Variants in LSS observed in about 807,000 individuals in gnomAD.
The protein encoded by LSS is 2,3-epoxysqualene-lanosterol cyclase.
Under a neutral mutation model 110.3 loss-of-function variants are expected in LSS, and 90 were observed. The observed-to-expected ratio is 0.82, with a 90% confidence interval of 0.69 to 0.97. The LOEUF (loss-of-function observed/expected upper bound fraction) is 0.97, where lower values mean the gene tolerates loss of function less well. Ranked by LOEUF, LSS falls within the 50% of genes least tolerant of loss-of-function variation. LSS has a pLI of 0.00. For missense variants in LSS, 927 were observed against 990.0 expected (o/e 0.94, Z 0.85); for synonymous variants, 433 against 400.0 (o/e 1.08, Z -0.98).
chr21:46,209,222 G>T lies in LSS; in HGVS notation c.1266+332C>A, dbSNP rs1430317496. ...TGGGCAGAAGGTGCTTCAGAGACAT[G>T]GAGGTGCCGTGTAGGCTGTGCAGCT... On this transcript the variant is annotated intron_variant, in intron 13 of 21. Coordinates refer to ENST00000397728, the MANE Select transcript of LSS (RefSeq NM_002340.6). This position sits in a 1 kb window ranked among gnomAD's most constrained non-coding sequence, Gnocchi z 4.4. Among the ~76,000 whole-genome samples the T allele has an allele frequency of 6.6e-6, 1 of 152,154 alleles. No individual in the cohort carries two copies. Among genetic ancestry groups the T allele is most frequent in the Non-Finnish European group, 1.5e-5 (1 of 68,010 alleles).
intron 4 of LSS, 122 bp downstream of exon 4, chr21:46,222,508 C>T (rs554520013): frequency 1.7e-5 from 14 of 817,018 alleles, no homozygotes; most frequent in Admixed American, 1.4e-4. Context: ...CCCTCACCCA[C>T]CCCACACCCA....
chr21:46,213,968 C>T, intron 9 of LSS, 133 bp from the exon 10 acceptor site: 2 of 672,474 alleles, frequency 3.0e-6, no homozygotes, highest in Admixed American at 2.2e-5. Flanking sequence ...AGGACAGGGG[C>T]CTTCTGCTCT....
chr21:46,195,439 G>C (rs2079896026), intron 19 of LSS, among the ~76,000 whole-genome samples: 2 of 152,238 alleles, frequency 1.3e-5, no homozygotes, highest in South Asian at 4.1e-4. Context: ...GCCCGGGGTG[G>C]TGGCGTGCAC....
In LSS at chr21:46,228,581, C is replaced by T; in HGVS notation, c.33G>A (p.Gly11=). ...TGGCGGGCTCGGTCTTGTAGGGGCC[C>T]CCTCGGCGCCGCAGACACCTGAGGA... The part of the protein sequence containing the change: MTEGTCLRRR[G]GPYKTEPATD... Residue 11 remains glycine, a synonymous_variant, in exon 2 of 22, where the codon GGG becomes GGA. Coordinates refer to ENST00000397728, the MANE Select transcript of LSS (RefSeq NM_002340.6). 1 of 1,591,986 alleles carries T rather than the reference C, an allele frequency of 6.3e-7. No homozygotes were observed. The highest frequency in any genetic ancestry group is 8.5e-7 in the Non-Finnish European group (1 of 1,175,954).
rs2079826559 is a variant in LSS, at chr21:46,192,208, GC to G, written c.1989-250del. The stretch of plus-strand genomic sequence containing the variant: ...TGGGGACACAGGCCTCCTCAGGCCT[GC>G]CCTGGTGTTCCCCCCTGAAGAGGAC... On this transcript the variant is annotated intron_variant, in intron 20 of 21. Coordinates refer to ENST00000397728, the MANE Select transcript of LSS (RefSeq NM_002340.6). The G allele has an allele frequency of 8.6e-5, 50 of 582,458 alleles. 1 individual carries two copies. The South Asian group carries it at 9.5e-4, about 11-fold the overall frequency. 36.1% of individuals were successfully genotyped at this position (582,458 alleles called of 1,614,324 possible). A position where few individuals can be genotyped will look rare whatever the true frequency, so the allele number is the denominator to read the frequency against.
intron 4 of LSS, 128 bp downstream of exon 4, chr21:46,222,502 C>T: frequency 1.3e-6 from 1 of 764,790 alleles, no homozygotes; most frequent in Non-Finnish European, 2.1e-6. Context: ...GTCTCTCCCT[C>T]ACCCACCCCA....
At chr21:46,220,349 G>A (rs955196400) in intron 5 of LSS, 2 of 152,318 alleles carry the variant, frequency 1.3e-5, no homozygotes, top group African/African-American at 2.4e-5. Context: ...ATAGTGACAA[G>A]CTCACCAAGA....
intron 3 of LSS, 191 bp downstream of exon 3, chr21:46,227,360 AC>A (rs2080353100): frequency 3.1e-6 from 2 of 637,138 alleles, no homozygotes; most frequent in Non-Finnish European, 5.3e-6. Flanking sequence ...CTGTCACCCT[AC>A]ACTGGCAAGG....
rs2079900168 is a variant in LSS at position 46,195,693 on chromosome 21, C to T, written c.1800G>A (p.Gly600=). 1.2e-6 allele frequency: 2 copies of T among 1,613,634 alleles called. No individual in the cohort carries two copies. Among genetic ancestry groups the T allele is most frequent in the African/African-American group, 2.7e-5 (2 of 74,896 alleles). Residue 600 remains glycine (G), a synonymous_variant, in exon 19 of 22, where the codon GGG becomes GGA. Transcript: ENST00000397728. The part of the protein sequence containing the change: ...WFGLEAFACM[G]QTYRDGTACA... ...TCACTCACCCATCTCGGTAGGTCTG[C>T]CCCATACAGGCGAAGGCCTCCAGGC...
intron 17 of LSS, among the ~76,000 whole-genome samples, chr21:46,203,145 G>C (rs2080001064): frequency 1.3e-5 from 2 of 152,240 alleles, no homozygotes; most frequent in African/African-American, 4.8e-5. Context: ...AAGGGGCAGG[G>C]ATGGGGGCTG....
chr21:46,226,084 CA>C (rs2080336393), intron 3 of LSS, among the ~76,000 whole-genome samples: 1 of 150,090 alleles, frequency 6.7e-6, no homozygotes, highest in Non-Finnish European at 1.5e-5. Flanking sequence ...TGCAACGAGC[CA>C]AAATTGTGCC....
intron 5 of LSS, among the ~76,000 whole-genome samples, chr21:46,219,803 G>C (rs1480436787): frequency 6.6e-6 from 1 of 152,198 alleles, no homozygotes; most frequent in Non-Finnish European, 1.5e-5. Flanking sequence ...CTGGGAGTGT[G>C]TGTGTCCAGC....
Position 46,228,434 on chromosome 21 carries a change from G to C in LSS, c.180C>G (p.Thr60=), listed in dbSNP as rs1176751102. Residue 60 remains threonine (T), a splice_region_variant and synonymous_variant, in exon 2 of 22, where the codon ACC becomes ACG. Transcript: ENST00000397728. The part of the protein sequence containing the change: ...GLEAYALGLD[T]KNYFKDLPKA... The stretch of plus-strand genomic sequence containing the variant: ...CTGACGCTCCGCGGAAGCAACTTAC[G>C]GTGTCCAGCCCCAGGGCGTAGGCTT... 3 of 1,602,166 alleles carry C rather than the reference G, an allele frequency of 1.9e-6. No homozygotes were observed. Among genetic ancestry groups the C allele is most frequent in the Admixed American group, 1.7e-5 (1 of 59,978 alleles).
chr21:46,213,112 C>T, intron 10 of LSS, 60 bp from the exon 11 acceptor site: 3 of 1,541,568 alleles, frequency 1.9e-6, no homozygotes, highest in Non-Finnish European at 2.7e-6. Context: ...CCAGCTGCTA[C>T]CCAGACCCTG....
rs769202224 is a variant in LSS at position 46,191,133 on chromosome 21, G to A, written c.2170C>T (p.Pro724Ser). The change falls in exon 22 of 22, where the codon CCT becomes TCT. Residue 724 changes from proline (P) to serine (S), a missense_variant. Coordinates refer to ENST00000397728, the MANE Select transcript of LSS (RefSeq NM_002340.6). ...GGGTGGCCAGCAAGGGCTCTCTCAG[G>A]GTACAGCTGGGAGAAGCGGCCGAGG... is the stretch of plus-strand genomic sequence containing the variant. Reference protein sequence around the residue: ...WALGRFSQLYPERALAGHP With the variant: ...WALGRFSQLYSERALAGHP 3 of 1,614,164 alleles carry A rather than the reference G, an allele frequency of 1.9e-6. No homozygotes were observed. The highest frequency in any genetic ancestry group is 1.1e-5 in the South Asian group (1 of 91,088).
rs1218415142 is a variant in LSS at position 46,228,751 on chromosome 21, C to T, written c.-6G>A. On this transcript the variant is annotated 5_prime_UTR_variant, in exon 1 of 22. Transcript: ENST00000397728. ...ACTCACGTGCCCTCCGTCATTGCTG[C>T]TGCAGTGCTCTACGCCGCCCACTGC... The T allele has an allele frequency of 4.4e-6, 7 of 1,596,068 alleles. No individual in the cohort carries two copies. Among genetic ancestry groups the T allele is most frequent in the East Asian group, 2.3e-5 (1 of 44,348 alleles).
chr21:46,192,216 G>A, intron 20 of LSS: 1 of 572,890 alleles, frequency 1.7e-6, no homozygotes, highest in East Asian at 3.0e-5. Context: ...CTGCCCTGGT[G>A]TTCCCCCCTG....
intron 20 of LSS, chr21:46,193,721 C>T (rs1401407876): frequency 6.7e-6 from 3 of 446,896 alleles, no homozygotes; most frequent in Non-Finnish European, 1.3e-5. Context: ...GGTGCCTGTG[C>T]ATGCGTATGT....
intron 13 of LSS, among the ~76,000 whole-genome samples, chr21:46,208,721 T>C (rs1321596341): frequency 1.3e-5 from 2 of 152,028 alleles, no homozygotes; most frequent in East Asian, 1.9e-4. Flanking sequence ...TGGAGTGCCG[T>C]AGGGTTCAGT....
Sources: gnomAD v4.1 joint callset for allele counts (sites outside exome capture counted in the v4.1 genomes callset) on GRCh38, gnomAD v4.1.1 for gene constraint, Gnocchi (gnomAD v3.1) non-coding constraint, MANE v1.5 for transcripts, NCBI Gene and HGNC (gene_info 2026-07-23, HGNC 2026-07-21) for gene names.